BRI3BP: variants seen among roughly 807,000 people sequenced by gnomAD.
The protein encoded by BRI3BP is BRI3-binding protein.
BRI3BP carries 7 observed loss-of-function variants against 15.8 expected under a neutral mutation model. The ratio of observed to expected loss-of-function variants is 0.44; its 90% confidence interval spans 0.25 to 0.83. The LOEUF is 0.83. BRI3BP is among the 40% of genes least tolerant of loss of function. BRI3BP has a pLI of 0.20. For synonymous variants in BRI3BP, 192 were observed against 163.5 expected, an observed-to-expected ratio of 1.17 and a Z score of -1.33; for missense variants, 320 against 339.3, an observed-to-expected ratio of 0.94 and a Z score of 0.45.
the BRI3BP span, among the ~76,000 whole-genome samples, chr12:125,049,708 G>A: frequency 3.3e-5 from 5 of 152,242 alleles, no homozygotes; most frequent in Non-Finnish European, 7.3e-5. Context: ...CTATGAACCG[G>A]AACGCGTCGC....
chr12:125,003,733 AC>A (rs1473149833), intron 1 of BRI3BP, among the ~76,000 whole-genome samples: 2 of 152,090 alleles, frequency 1.3e-5, no homozygotes, highest in African/African-American at 4.8e-5. Context: ...CGGGTGGGTC[AC>A]TAGAGGTCAG....
At chr12:125,047,949 G>A in the BRI3BP span, among the ~76,000 whole-genome samples, 35 of 149,942 alleles carry the variant, frequency 2.3e-4, no homozygotes, top group African/African-American at 7.9e-4. Flanking sequence ...TGCACACCTC[G>A]GCCTCCCAAA....
chr12:125,012,863 A>G (rs962122161), intron 2 of BRI3BP, among the ~76,000 whole-genome samples: 1 of 152,036 alleles, frequency 6.6e-6, no homozygotes, highest in African/African-American at 2.4e-5. Flanking sequence ...GGGTTGCTTG[A>G]ACCCAAGAAT....
intron 2 of BRI3BP, among the ~76,000 whole-genome samples, chr12:125,020,036 C>T (rs570392206): frequency 3.8e-4 from 57 of 149,956 alleles, no homozygotes; most frequent in African/African-American, 1.2e-3. Flanking sequence ...CTCAGCCTCC[C>T]GGGTTCCAGT....
intron 1 of BRI3BP, 36 bp downstream of exon 1, chr12:124,994,039 C>G (rs532348014): frequency 8.0e-7 from 1 of 1,243,222 alleles, no homozygotes; most frequent in Non-Finnish European, 1.0e-6. Context: ...TCACCTTGCC[C>G]CGGTCGCCAC....
intron 2 of BRI3BP, among the ~76,000 whole-genome samples, chr12:125,019,065 C>T (rs1371357570): frequency 6.6e-6 from 1 of 152,092 alleles, no homozygotes; most frequent in Non-Finnish European, 1.5e-5. Flanking sequence ...ACCATGTTGG[C>T]CAGGCTGGTC....
intron 2 of BRI3BP, among the ~76,000 whole-genome samples, chr12:125,018,990 CT>C (rs1955270607): frequency 6.6e-6 from 1 of 152,140 alleles, no homozygotes; most frequent in Non-Finnish European, 1.5e-5. Context: ...TCCTGAGTAG[CT>C]GGAATTACAG....
At chr12:125,004,069 T>C (rs1955122123) in intron 1 of BRI3BP, among the ~76,000 whole-genome samples, 2 of 152,200 alleles carry the variant, frequency 1.3e-5, no homozygotes, top group Admixed American at 1.3e-4. Context: ...CATTTTCTGA[T>C]TTCCCTGGCC....
At chr12:125,006,265 A>C (rs1342226637) in intron 1 of BRI3BP, among the ~76,000 whole-genome samples, 4 of 152,076 alleles carry the variant, frequency 2.6e-5, no homozygotes, top group Admixed American at 6.6e-5. Context: ...CTGTGTCTCC[A>C]TCCACACAAA....
the BRI3BP span, among the ~76,000 whole-genome samples, chr12:125,049,425 C>T: frequency 2.0e-5 from 3 of 152,070 alleles, no homozygotes; most frequent in Non-Finnish European, 4.4e-5. Flanking sequence ...AATACGCATA[C>T]GGAAGAATAA....
the BRI3BP span, among the ~76,000 whole-genome samples, chr12:125,047,082 A>T: frequency 6.6e-6 from 1 of 152,260 alleles, no homozygotes; most frequent in African/African-American, 2.4e-5. Context: ...AATTAGAATT[A>T]AAAACATTAC....
chr12:125,050,681 G>C, the BRI3BP span, among the ~76,000 whole-genome samples: 1 of 152,234 alleles, frequency 6.6e-6, no homozygotes, highest in Non-Finnish European at 1.5e-5. Context: ...GGCACATAAA[G>C]GGCTTCATTT....
rs1306855974 is a variant in BRI3BP, at chr12:125,019,647, TTTTTTTTTTTGCC to T, written c.317-5337_317-5325del. 5.8e-3 allele frequency among the ~76,000 whole-genome samples: 163 copies of T among 28,312 alleles called. 11 individuals carry two copies. The highest frequency in any genetic ancestry group is 0.027 in the East Asian group (8 of 296). The allele number at this position is 28,312 out of a possible 152,430, so 18.6% of individuals were successfully genotyped here. A position where few individuals can be genotyped will look rare whatever the true frequency, so the allele number is the denominator to read the frequency against. ...CATTAATTCCACCCTTTTTTTTTTTTTTTTTTTTTTGCCTTTTTTGCTGTGAGTACTTGAAAAT... is the reference window on the plus strand; with the variant it reads ...CATTAATTCCACCCTTTTTTTTTTTTTTTTTTGCTGTGAGTACTTGAAAAT... On this transcript the variant is annotated intron_variant, in intron 2 of 2. Transcript: ENST00000341446.
intron 2 of BRI3BP, among the ~76,000 whole-genome samples, chr12:125,014,658 C>A (rs924017368): frequency 1.3e-5 from 2 of 152,200 alleles, no homozygotes; most frequent in Admixed American, 1.3e-4. Flanking sequence ...AAATTCTAGA[C>A]TCCCAGAGGG....
chr12:125,022,275 C>T (rs1955305430), intron 2 of BRI3BP, among the ~76,000 whole-genome samples: 2 of 152,022 alleles, frequency 1.3e-5, no homozygotes, highest in Admixed American at 1.3e-4. Flanking sequence ...CATTAAACAA[C>T]ACTGTCAGGA....
downstream of BRI3BP, chr12:125,031,290 G>A (rs115393656): frequency 2.6e-5 from 4 of 152,030 alleles, no homozygotes; most frequent in Non-Finnish European, 4.4e-5. Flanking sequence ...TCTATTCCTC[G>A]ATCTGAGAAG....
chr12:125,018,154 C>T (rs1447469795), intron 2 of BRI3BP, among the ~76,000 whole-genome samples: 1 of 152,192 alleles, frequency 6.6e-6, no homozygotes, highest in Non-Finnish European at 1.5e-5. Context: ...GCACCCAGAG[C>T]CAGCTTCCCC....
the BRI3BP span, among the ~76,000 whole-genome samples, chr12:125,045,579 G>T: frequency 2.0e-5 from 3 of 152,100 alleles, no homozygotes; most frequent in Non-Finnish European, 2.9e-5. Flanking sequence ...CGATCTGCCC[G>T]CCTAGGTCTC....
intron 2 of BRI3BP, among the ~76,000 whole-genome samples, chr12:125,013,506 ACACTT>A (rs1309796687): frequency 2.0e-5 from 3 of 152,200 alleles, no homozygotes; most frequent in African/African-American, 7.2e-5. Context: ...ATCAGCTGCA[ACACTT>A]CACTTAATTT....
Sources: allele counts gnomAD v4.1 joint callset (sites outside exome capture counted in the v4.1 genomes callset), GRCh38; gene constraint gnomAD v4.1.1; transcripts MANE v1.5; gene names NCBI Gene and HGNC (gene_info 2026-07-23, HGNC 2026-07-21).